Variants in TES observed in about 807,000 individuals in gnomAD.
TES encodes the protein testin LIM domain protein, also known as testin.
TES carries 41 observed loss-of-function variants against 48.2 expected under a neutral mutation model. The observed-to-expected ratio is 0.85, with a 90% confidence interval of 0.66 to 1.10. The LOEUF is 1.10. Among genes scored for constraint, TES ranks in the 50% least tolerant of loss-of-function variants. TES has a pLI of 0.00. For synonymous variants in TES, 162 were observed against 174.9 expected (o/e 0.93, Z 0.58); for missense variants, 463 against 515.1 (o/e 0.90, Z 0.98).
rs1563007758 is a variant in TES, at chr7:116,229,022, ATATATATATAT to A, written c.28-5511_28-5501del. Among the ~76,000 whole-genome samples, 65 of 136,778 alleles carry A rather than the reference ATATATATATAT, an allele frequency of 4.8e-4. 2 individuals are homozygous for A. The highest frequency in any genetic ancestry group is 1.3e-3 in the African/African-American group (47 of 37,042). 89.7% of individuals were successfully genotyped at this position (136,778 alleles called of 152,430 possible). A position where few individuals can be genotyped will look rare whatever the true frequency, so the allele number is the denominator to read the frequency against. On this transcript the variant is annotated intron_variant, in intron 1 of 6. Transcript: ENST00000358204. The stretch of plus-strand genomic sequence containing the variant: ...ACTATATATATATATATATATATAT[ATATATATATAT>A]AATCATTTCCTTAATATTTGGTAAT...
chr7:116,253,151 C>A (rs984845606), intron 6 of TES, among the ~76,000 whole-genome samples: 46 of 152,108 alleles, frequency 3.0e-4, no homozygotes, highest in African/African-American at 1.1e-3. Flanking sequence ...ACATTTACTT[C>A]TTTATATGCA....
intron 1 of TES, among the ~76,000 whole-genome samples, chr7:116,223,263 G>A (rs1799579192): frequency 6.6e-6 from 1 of 152,128 alleles, no homozygotes; most frequent in South Asian, 2.1e-4. Context: ...GTAGTACTGT[G>A]AGGGAAGGAA....
chr7:116,243,027 C>A (rs1799870156), intron 2 of TES, among the ~76,000 whole-genome samples: 1 of 152,100 alleles, frequency 6.6e-6, no homozygotes, highest in South Asian at 2.1e-4. Flanking sequence ...AGAATAGTTT[C>A]TATTTCCTTT....
chr7:116,240,405 A>G (rs1799829468), intron 2 of TES, among the ~76,000 whole-genome samples: 1 of 152,062 alleles, frequency 6.6e-6, no homozygotes, highest in African/African-American at 2.4e-5. Flanking sequence ...GTCTGAGGCA[A>G]TACTTTTGGT....
At chr7:116,252,257 T>A in intron 5 of TES, 61 bp from the exon 6 acceptor site, 1 of 1,506,136 alleles carries the variant, frequency 6.6e-7, no homozygotes, top group Non-Finnish European at 8.9e-7. Context: ...GAAAGTATGT[T>A]GTTACAGATA....
intron 2 of TES, among the ~76,000 whole-genome samples, chr7:116,246,878 G>T (rs75133991): frequency 3.8e-5 from 5 of 131,894 alleles, no homozygotes; most frequent in African/African-American, 1.5e-4. Flanking sequence ...CTGTGTATGT[G>T]TGTGTGTGTG....
chr7:116,250,431 A>G lies in TES; in HGVS notation c.637A>G (p.Arg213Gly). ...ACAAATGAACATTCCTGGAGGGGATAGAAGCACCCCAGCAGCAGTGGGGGC... is the reference window on the plus strand; with the variant it reads ...ACAAATGAACATTCCTGGAGGGGATGGAAGCACCCCAGCAGCAGTGGGGGC... ...PKQMNIPGGD[R>G]STPAAVGAME... The change falls in exon 4 of 7, where the codon AGA (arginine) becomes GGA (glycine). Residue 213 changes from arginine to glycine, a missense_variant. Transcript: ENST00000358204. 4 of 1,607,126 alleles carry G rather than the reference A, an allele frequency of 2.5e-6. No individual in the cohort carries two copies. Among genetic ancestry groups the G allele is most frequent in the South Asian group, 1.1e-5 (1 of 89,544 alleles).
intron 1 of TES, among the ~76,000 whole-genome samples, chr7:116,212,309 A>G (rs1304127502): frequency 6.6e-6 from 1 of 152,224 alleles, no homozygotes; most frequent in Non-Finnish European, 1.5e-5. Flanking sequence ...TCTGTATGAT[A>G]CTATAAAATG....
chr7:116,253,246 A>T (rs1800044715), intron 6 of TES, among the ~76,000 whole-genome samples: 1 of 152,198 alleles, frequency 6.6e-6, no homozygotes. Context: ...TATGGTTTAT[A>T]TAGTTATATA....
chr7:116,224,587 T>C (rs1799599300), intron 1 of TES, among the ~76,000 whole-genome samples: 1 of 152,188 alleles, frequency 6.6e-6, no homozygotes, highest in African/African-American at 2.4e-5. Context: ...AGAGACCTAT[T>C]TTGCGTCAGG....
In TES at chr7:116,210,608, T is replaced by C; in HGVS notation, c.-100T>C. ...TGGCTGTTGAGCGGCGCCGCGGGAG[T>C]TCCGCAGGTTTCCCGTGTTCGCAGC... is the stretch of plus-strand genomic sequence containing the variant. On this transcript the variant is annotated 5_prime_UTR_variant, in exon 1 of 7. Transcript: ENST00000358204. 8.3e-7 allele frequency: 1 copy of C among 1,210,824 alleles called. No individual in the cohort carries two copies. The highest frequency in any genetic ancestry group is 4.2e-5 in the Admixed American group (1 of 23,754). The allele number at this position is 1,210,824 out of a possible 1,614,324, so 75.0% of individuals were successfully genotyped here. A position where few individuals can be genotyped will look rare whatever the true frequency, so the allele number is the denominator to read the frequency against.
In TES at chr7:116,232,729, T is replaced by A. The variant is rs59599467; in HGVS notation, c.28-1805T>A. On this transcript the variant is annotated intron_variant, in intron 1 of 6. Coordinates refer to ENST00000358204, the MANE Select transcript of TES (RefSeq NM_015641.4). ...TGACAAGGAAACAATTTAATTGCTTTAAAAAAAAGCTTAGTGTTGACACTA... is the reference window on the plus strand; with the variant it reads ...TGACAAGGAAACAATTTAATTGCTTAAAAAAAAAGCTTAGTGTTGACACTA... Among the ~76,000 whole-genome samples, 372 of 152,060 alleles carry A rather than the reference T, an allele frequency of 2.4e-3. 3 individuals carry two copies. Among genetic ancestry groups the A allele is most frequent in the African/African-American group, 7.6e-3 (314 of 41,462 alleles).
chr7:116,239,831 A>T (rs754356761), intron 2 of TES, among the ~76,000 whole-genome samples: 1 of 152,202 alleles, frequency 6.6e-6, no homozygotes, highest in Non-Finnish European at 1.5e-5. Flanking sequence ...AGAGATAAAG[A>T]GTGTTTATTG....
intron 1 of TES, among the ~76,000 whole-genome samples, chr7:116,225,772 G>C (rs920108351): frequency 6.6e-6 from 1 of 152,128 alleles, no homozygotes; most frequent in Non-Finnish European, 1.5e-5. Context: ...TTCTATTCTT[G>C]AGCTATAATA....
At chr7:116,211,829 G>A (rs1584606171) in intron 1 of TES, among the ~76,000 whole-genome samples, 1 of 152,126 alleles carries the variant, frequency 6.6e-6, no homozygotes, top group African/African-American at 2.4e-5. Flanking sequence ...ACAAAATATT[G>A]TGTTAGGACT....
rs771672095 is a variant in TES at position 116,249,128 on chromosome 7, T to C, written c.222T>C (p.Thr74=). 1 of 1,614,102 alleles carries C rather than the reference T, an allele frequency of 6.2e-7. No individual in the cohort carries two copies. The highest frequency in any genetic ancestry group is 1.7e-5 in the Admixed American group (1 of 60,016). ...TTTTTGAAGACACCAAGTATACCACTCTGATTGCAAAACTAAAGTCAGATG... is the reference window on the plus strand; with the variant it reads ...TTTTTGAAGACACCAAGTATACCACCCTGATTGCAAAACTAAAGTCAGATG... ...GKLFEDTKYT[T]LIAKLKSDGI... Residue 74 remains threonine, a synonymous_variant, in exon 3 of 7, where the codon ACT becomes ACC. Coordinates refer to ENST00000358204, the MANE Select transcript of TES (RefSeq NM_015641.4).
At chr7:116,240,862 G>C (rs994731171) in intron 2 of TES, among the ~76,000 whole-genome samples, 2 of 152,018 alleles carry the variant, frequency 1.3e-5, no homozygotes, top group African/African-American at 2.4e-5. Context: ...AAATAAACAA[G>C]CTGTTTAAAT....
intron 1 of TES, among the ~76,000 whole-genome samples, chr7:116,213,613 C>A (rs1173318114): frequency 6.6e-6 from 1 of 152,218 alleles, no homozygotes; most frequent in Non-Finnish European, 1.5e-5. Context: ...TTAAAACCCA[C>A]CATCACAAAG....
intron 2 of TES, chr7:116,243,884 G>A (rs1349941422): frequency 6.6e-6 from 1 of 152,104 alleles, no homozygotes; most frequent in Non-Finnish European, 1.5e-5. Flanking sequence ...TTACAATTGT[G>A]GCAAAAGAGG....
Sources: gnomAD v4.1 joint callset for allele counts (sites outside exome capture counted in the v4.1 genomes callset) on GRCh38, gnomAD v4.1.1 for gene constraint, MANE v1.5 for transcripts, NCBI Gene and HGNC (gene_info 2026-07-23, HGNC 2026-07-21) for gene names.